Variants in MTFMT observed in about 807,000 individuals in gnomAD.
The protein encoded by MTFMT is mitochondrial methionyl-tRNA formyltransferase.
In MTFMT, 47 loss-of-function variants were observed where a neutral mutation model predicts 51.8. The observed-to-expected ratio is 0.91, with a 90% confidence interval of 0.72 to 1.16. The LOEUF is 1.16. Ranked by LOEUF, MTFMT falls within the 50% of genes most tolerant of loss-of-function variation. The pLI, the probability that MTFMT is intolerant of heterozygous loss-of-function variation, is 0.00. For missense variants in MTFMT, 512 were observed against 482.3 expected (o/e 1.06, Z -0.58); for synonymous variants, 196 against 176.7 (o/e 1.11, Z -0.87).
In MTFMT at chr15:65,001,813, T is replaced by G. The variant is rs905086834; in HGVS notation, c.*1249A>C. ...AGGAGGTTGAAGATGCAGTAAGCAGTGTTTCACGCCACTGGACTCCAGACT... is the reference window on the plus strand; with the variant it reads ...AGGAGGTTGAAGATGCAGTAAGCAGGGTTTCACGCCACTGGACTCCAGACT... On this transcript the variant is annotated 3_prime_UTR_variant, in exon 9 of 9. Transcript: ENST00000220058. 2 of 151,868 alleles carry G rather than the reference T, an allele frequency of 1.3e-5. No homozygotes were observed. Among genetic ancestry groups the G allele is most frequent in the Admixed American group, 1.3e-4 (2 of 15,240 alleles). The allele number at this position is 151,868 out of a possible 1,614,324, so 9.4% of individuals were successfully genotyped here.
rs1331761590 is a variant in MTFMT, at chr15:65,026,964, C to T, written c.286G>A (p.Val96Met). ...MPSPSPKGLPVKQYAVQSQLP... is the reference protein window; with the variant it reads ...MPSPSPKGLPMKQYAVQSQLP... ...TGAGACTGCACAGCATATTGCTTCA[C>T]TGGCAGTCCTTTTGGTGATGGGGAA... Residue 96 changes from valine (V) to methionine (M), a missense_variant, in exon 2 of 9, where the codon GTG (valine) becomes ATG (methionine). Transcript: ENST00000220058. 1.2e-6 allele frequency: 2 copies of T among 1,614,030 alleles called. No individual in the cohort carries two copies. Among genetic ancestry groups the T allele is most frequent in the Non-Finnish European group, 1.7e-6 (2 of 1,179,886 alleles).
In MTFMT at chr15:65,024,135, G is replaced by A. The variant is rs962150721; in HGVS notation, c.420-341C>T. 6.6e-5 allele frequency among the ~76,000 whole-genome samples: 10 copies of A among 151,932 alleles called. No individual in the cohort carries two copies. The South Asian group carries it at 8.3e-4, about 13-fold the overall frequency. Reference sequence around the variant, plus strand: ...TGAGATCGGGAGTTTGAGACCAGCCGGACCAACATGGAGAAACCCCATCTC... The same window carrying A: ...TGAGATCGGGAGTTTGAGACCAGCCAGACCAACATGGAGAAACCCCATCTC... On this transcript the variant is annotated intron_variant, in intron 2 of 8. Transcript: ENST00000220058.
chr15:65,011,221 C>T (rs1028673942), intron 6 of MTFMT, among the ~76,000 whole-genome samples: 1 of 152,102 alleles, frequency 6.6e-6, no homozygotes, highest in Non-Finnish European at 1.5e-5. Flanking sequence ...ACTAGGGAGG[C>T]TGAGGCAGGA....
intron 6 of MTFMT, among the ~76,000 whole-genome samples, chr15:65,006,588 C>G (rs879663508): frequency 4.7e-4 from 71 of 152,052 alleles, no homozygotes; most frequent in East Asian, 7.7e-4. Context: ...ATGTTAGCCA[C>G]GATGGTCTCT....
intron 6 of MTFMT, among the ~76,000 whole-genome samples, chr15:65,014,802 G>T (rs28463235): frequency 0.17 from 25,018 of 145,706 alleles, 4,560 homozygotes; most frequent in African/African-American, 0.46. Flanking sequence ...TAATTTTTTT[G>T]TGTGTTTTTA....
intron 6 of MTFMT, among the ~76,000 whole-genome samples, chr15:65,011,064 G>A (rs940598201): frequency 6.6e-6 from 1 of 152,184 alleles, no homozygotes; most frequent in Non-Finnish European, 1.5e-5. Context: ...GCTCATGCCT[G>A]TAATCCCAGC....
rs188955479 is a variant in MTFMT at position 65,005,888 on chromosome 15, G to A, written c.892+225C>T. ...CTCCCAAAGTGCTGGAATTACAGGC[G>A]TGAGCCACCGCGCCTGGCCTGTTCT... is the stretch of plus-strand genomic sequence containing the variant. On this transcript the variant is annotated intron_variant, in intron 7 of 8. Coordinates refer to ENST00000220058, the MANE Select transcript of MTFMT (RefSeq NM_139242.4). Among the ~76,000 whole-genome samples the A allele has an allele frequency of 5.8e-3, 889 of 152,302 alleles. 47 individuals are homozygous for A. In the South Asian group the frequency reaches 0.12, roughly 21 times the overall value.
intron 6 of MTFMT, 38 bp from the exon 7 acceptor site, chr15:65,006,229 C>G: frequency 6.7e-7 from 1 of 1,501,560 alleles, no homozygotes; most frequent in Non-Finnish European, 9.2e-7. Flanking sequence ...TAAAGGAATA[C>G]ACTCAACTCC....
In MTFMT at chr15:65,002,468, T is replaced by C. The variant is rs1372367787; in HGVS notation, c.*594A>G. ...GTATGTAGGTACATACATACACCAG[T>C]TAGGGTTGCCCTTGTTCTTAAGGAA... On this transcript the variant is annotated 3_prime_UTR_variant, in exon 9 of 9. Transcript: ENST00000220058. 6.6e-6 allele frequency: 1 copy of C among 152,106 alleles called. No individual in the cohort carries two copies. Among genetic ancestry groups the C allele is most frequent in the East Asian group, 1.9e-4 (1 of 5,184 alleles). 9.4% of individuals were successfully genotyped at this position (152,106 alleles called of 1,614,324 possible).
Position 65,006,257 on chromosome 15 carries a change from C to T in MTFMT, c.814-66G>A, listed in dbSNP as rs1162651168. 13 of 1,274,284 alleles carry T rather than the reference C, an allele frequency of 1.0e-5. No homozygotes were observed. In the Admixed American group the frequency reaches 1.9e-4, roughly 18 times the overall value. 78.9% of individuals were successfully genotyped at this position (1,274,284 alleles called of 1,614,324 possible). ...TCAACTCCCAAACCCTTTTCAACTACTATTTTGTGTTAATCTGGACTTTTC... is the reference window on the plus strand; with the variant it reads ...TCAACTCCCAAACCCTTTTCAACTATTATTTTGTGTTAATCTGGACTTTTC... On this transcript the variant is annotated intron_variant, in intron 6 of 8. Transcript: ENST00000220058.
rs1484729427 is a variant in MTFMT, at chr15:65,029,472, AG to A, written c.141del (p.Trp48GlyfsTer30). ...TCCGTGCCGAAGAAGAGCACCCGCC[AG>A]GGAGGCTTCTCGCGGACTCTGGAGT... ...CRDSRVREKP[P>X]WRVLFFGTDQ... On this transcript the variant is annotated frameshift_variant, in exon 1 of 9. Coordinates refer to ENST00000220058, the MANE Select transcript of MTFMT (RefSeq NM_139242.4). LOFTEE classifies it high-confidence loss of function. 1 of 1,534,150 alleles carries A rather than the reference AG, an allele frequency of 6.5e-7. No homozygotes were observed. Among genetic ancestry groups the A allele is most frequent in the East Asian group, 2.6e-5 (1 of 39,060 alleles).
At chr15:65,009,088 A>G (rs1481731357) in intron 6 of MTFMT, among the ~76,000 whole-genome samples, 2 of 152,228 alleles carry the variant, frequency 1.3e-5, no homozygotes, top group African/African-American at 2.4e-5. Context: ...GTACATGGTC[A>G]TTAATCCCAC....
chr15:65,018,270 G>A (rs1035683997), intron 5 of MTFMT, among the ~76,000 whole-genome samples: 1 of 151,950 alleles, frequency 6.6e-6, no homozygotes, highest in African/African-American at 2.4e-5. Flanking sequence ...TAATCTGACT[G>A]TATATCCTTA....
chr15:65,016,653 A>C, intron 5 of MTFMT, 126 bp from the exon 6 acceptor site: 1 of 453,880 alleles, frequency 2.2e-6, no homozygotes. Flanking sequence ...TTATGTTCAA[A>C]ATTTTCCATA....
intron 2 of MTFMT, among the ~76,000 whole-genome samples, chr15:65,025,230 TAAA>T (rs776662139): frequency 4.3e-5 from 4 of 92,502 alleles, no homozygotes; most frequent in Admixed American, 1.2e-4. Context: ...TCCCTGTCTC[TAAA>T]AAAAAAAAAA....
In MTFMT at chr15:65,002,878, GC is replaced by G; in HGVS notation, c.*183del. 2.8e-6 allele frequency: 1 copy of G among 353,990 alleles called. No homozygotes were observed. 21.9% of individuals were successfully genotyped at this position (353,990 alleles called of 1,614,324 possible). On this transcript the variant is annotated 3_prime_UTR_variant, in exon 9 of 9. Coordinates refer to ENST00000220058, the MANE Select transcript of MTFMT (RefSeq NM_139242.4). ...CTCAGGAGGCTGAGGCAGGAGAATT[GC>G]TTGAACCTGGGAGGCGGAGGTTGCA...
chr15:65,013,493 T>C (rs1379811626), intron 6 of MTFMT, among the ~76,000 whole-genome samples: 1 of 152,212 alleles, frequency 6.6e-6, no homozygotes, highest in African/African-American at 2.4e-5. Context: ...CTTCTATTTC[T>C]AGTTTATTGA....
At chr15:65,020,050 C>T (rs1433973521) in intron 5 of MTFMT, 147 bp downstream of exon 5, 1 of 672,946 alleles carries the variant, frequency 1.5e-6, no homozygotes, top group East Asian at 2.8e-5. Flanking sequence ...AGAAAGAATG[C>T]TTTCTACCAT....
chr15:65,010,497 C>T (rs983503914), intron 6 of MTFMT, among the ~76,000 whole-genome samples: 1 of 152,140 alleles, frequency 6.6e-6, no homozygotes, highest in African/African-American at 2.4e-5. Flanking sequence ...TTTCACTTAG[C>T]ATATTTTTCA....
Sources: gnomAD v4.1 joint callset for allele counts (sites outside exome capture counted in the v4.1 genomes callset) on GRCh38, gnomAD v4.1.1 for gene constraint, MANE v1.5 for transcripts, NCBI Gene and HGNC (gene_info 2026-07-23, HGNC 2026-07-21) for gene names.